Variants in TTC39B observed in about 807,000 individuals in gnomAD.
TTC39B encodes tetratricopeptide repeat protein 39B.
A neutral mutation model predicts 96.6 loss-of-function variants in TTC39B; 92 were observed. The observed-to-expected ratio is 0.95, with a 90% CI of 0.80 to 1.13. The LOEUF is 1.13. Ranked by LOEUF, TTC39B falls within the 50% of genes most tolerant of loss-of-function variation. The pLI is 0.00. For synonymous variants in TTC39B, 367 were observed against 299.4 expected (o/e 1.23, Z -2.33); for missense variants, 955 against 809.3 (o/e 1.18, Z -2.18).
chr9:15,200,328 C>T (rs1464294889), intron 7 of TTC39B, among the ~76,000 whole-genome samples: 2 of 152,170 alleles, frequency 1.3e-5, no homozygotes, highest in Admixed American at 6.5e-5. Flanking sequence ...GTACATTACA[C>T]CCAGTAAATG....
intron 8 of TTC39B, among the ~76,000 whole-genome samples, chr9:15,192,911 G>A (rs1391496319): frequency 2.0e-5 from 3 of 152,108 alleles, no homozygotes; most frequent in African/African-American, 7.2e-5. Flanking sequence ...TGTCTAGCAG[G>A]ACCAGTGTTT....
intron 2 of TTC39B, among the ~76,000 whole-genome samples, chr9:15,235,753 C>G (rs958513503): frequency 6.6e-6 from 1 of 152,124 alleles, no homozygotes; most frequent in Non-Finnish European, 1.5e-5. Flanking sequence ...ATTTTCTAGA[C>G]AAGCAAATAC....
At chr9:15,240,953 G>T (rs959654258) in intron 2 of TTC39B, among the ~76,000 whole-genome samples, 1 of 152,052 alleles carries the variant, frequency 6.6e-6, no homozygotes, top group African/African-American at 2.4e-5. Context: ...ATCTCAATCT[G>T]GTCCTTCATG....
chr9:15,203,376 G>C (rs553775361), intron 7 of TTC39B, among the ~76,000 whole-genome samples: 2 of 151,834 alleles, frequency 1.3e-5, no homozygotes, highest in African/African-American at 2.4e-5. Flanking sequence ...TCAGCCTCCC[G>C]GGTAGCTGGG....
At chr9:15,286,997 G>A (rs1823996233) in intron 1 of TTC39B, among the ~76,000 whole-genome samples, 1 of 150,530 alleles carries the variant, frequency 6.6e-6, no homozygotes, top group South Asian at 2.1e-4. Context: ...TTTTGTCAAG[G>A]AATCTTAGAA....
chr9:15,292,835 G>C (rs1824237862), intron 1 of TTC39B, among the ~76,000 whole-genome samples: 1 of 152,230 alleles, frequency 6.6e-6, no homozygotes, highest in Non-Finnish European at 1.5e-5. Flanking sequence ...AAGTGTTATT[G>C]TAAAAGTGCC....
At chr9:15,262,578 AG>A in intron 2 of TTC39B, among the ~76,000 whole-genome samples, 2 of 152,186 alleles carry the variant, frequency 1.3e-5, no homozygotes, top group Middle Eastern at 6.8e-3. Flanking sequence ...CAGAAAAACT[AG>A]CAATTTCTCA....
chr9:15,196,655 G>C (rs1267616435), intron 8 of TTC39B, among the ~76,000 whole-genome samples: 3 of 152,186 alleles, frequency 2.0e-5, no homozygotes, highest in Non-Finnish European at 4.4e-5. Flanking sequence ...AGTTTCTTGA[G>C]ATGAAATCTA....
intron 8 of TTC39B, among the ~76,000 whole-genome samples, chr9:15,199,175 C>A (rs1483988419): frequency 6.6e-6 from 1 of 152,202 alleles, no homozygotes; most frequent in East Asian, 1.9e-4. Context: ...ACGCTACAGC[C>A]ACCTCAGCTG....
At chr9:15,296,994 AAAAAG>A (rs769213082) in intron 1 of TTC39B, among the ~76,000 whole-genome samples, 2 of 152,008 alleles carry the variant, frequency 1.3e-5, no homozygotes, top group Non-Finnish European at 2.9e-5. Context: ...CTCTTTAAGA[AAAAAG>A]AAAAGAAAAG....
chr9:15,246,753 A>T (rs910653166), intron 2 of TTC39B, among the ~76,000 whole-genome samples: 1 of 152,360 alleles, frequency 6.6e-6, no homozygotes, highest in East Asian at 1.9e-4. Context: ...CTGACAACCA[A>T]TACTAACTGG....
At chr9:15,291,508 T>C (rs1265721182) in intron 1 of TTC39B, among the ~76,000 whole-genome samples, 2 of 152,214 alleles carry the variant, frequency 1.3e-5, no homozygotes, top group African/African-American at 2.4e-5. Flanking sequence ...GTCTCAGGTA[T>C]GTCTTTATCA....
chr9:15,296,677 T>C (rs1289668108), intron 1 of TTC39B, among the ~76,000 whole-genome samples: 1 of 152,176 alleles, frequency 6.6e-6, no homozygotes, highest in Non-Finnish European at 1.5e-5. Flanking sequence ...GTATTTTTAA[T>C]AGAGACTGGG....
At chr9:15,218,632 T>TAAAAAAAAAAAATATATATATA (rs545882970) in intron 3 of TTC39B, among the ~76,000 whole-genome samples, 7 of 105,110 alleles carry the variant, frequency 6.7e-5, no homozygotes, top group African/African-American at 2.1e-4. Context: ...TTAGTCTATT[T>TAAAAAAAAAAAATATATATATA]TAAATATATA....
chr9:15,289,502 G>A (rs907840232), intron 1 of TTC39B, among the ~76,000 whole-genome samples: 1 of 152,206 alleles, frequency 6.6e-6, no homozygotes, highest in African/African-American at 2.4e-5. Context: ...TCAGGAGACT[G>A]AAGCTCACAG....
intron 4 of TTC39B, 35 bp downstream of exon 4, chr9:15,214,104 A>C: frequency 1.4e-6 from 2 of 1,464,494 alleles, no homozygotes; most frequent in South Asian, 2.3e-5. Context: ...AAACATCTGA[A>C]AGATATTTTA....
At position 15,176,547 on chromosome 9, in the gene TTC39B, G is replaced by C. The variant is rs556570755; in HGVS notation, c.1841+1150C>G. On this transcript the variant is annotated intron_variant, in intron 18 of 19. Transcript: ENST00000512701. ...AGGCACATGACACAGAGCACAGGAT[G>C]TCCACCAGCAGTCTATAGCTGTGAT... Among the ~76,000 whole-genome samples, 7 of 152,266 alleles carry C rather than the reference G, an allele frequency of 4.6e-5. 1 individual carries two copies. The South Asian group carries it at 1.5e-3, about 32-fold the overall frequency.
intron 1 of TTC39B, among the ~76,000 whole-genome samples, chr9:15,303,510 T>A (rs1252317789): frequency 6.6e-6 from 1 of 151,988 alleles, no homozygotes; most frequent in Non-Finnish European, 1.5e-5. Flanking sequence ...AACTTAGGAC[T>A]ACAGGCGGGC....
intron 16 of TTC39B, among the ~76,000 whole-genome samples, chr9:15,182,778 T>C (rs1476840522): frequency 2.6e-5 from 4 of 152,246 alleles, no homozygotes; most frequent in African/African-American, 9.6e-5. Context: ...TATTTTTAAA[T>C]GTCTGCCAGT....
Sources: gnomAD v4.1 joint callset for allele counts (sites outside exome capture counted in the v4.1 genomes callset) on GRCh38, gnomAD v4.1.1 for gene constraint, MANE v1.5 for transcripts, NCBI Gene and HGNC (gene_info 2026-07-23, HGNC 2026-07-21) for gene names.